AK8: variants seen among roughly 807,000 people sequenced by gnomAD.
AK8 encodes adenylate kinase 8.
A neutral mutation model predicts 54.6 loss-of-function variants in AK8; 44 were observed. The ratio of observed to expected loss-of-function variants is 0.81; its 90% CI spans 0.63 to 1.04. The LOEUF (loss-of-function observed/expected upper bound fraction) is 1.04, where lower values mean the gene tolerates loss of function less well. Among genes scored for constraint, AK8 ranks in the 50% least tolerant of loss-of-function variants. The pLI is 0.00. For synonymous variants in AK8, 239 were observed against 245.6 expected, an observed-to-expected ratio of 0.97 and a Z score of 0.25; for missense variants, 555 against 613.6, an observed-to-expected ratio of 0.90 and a Z score of 1.01.
chr9:132,805,693 G>A (rs757728205), intron 10 of AK8, among the ~76,000 whole-genome samples: 3 of 152,030 alleles, frequency 2.0e-5, no homozygotes, highest in Non-Finnish European at 4.4e-5. Flanking sequence ...GTGCTCACCC[G>A]CTTCCTCTAA....
intron 11 of AK8, among the ~76,000 whole-genome samples, chr9:132,744,991 C>A (rs114680716): frequency 6.6e-6 from 1 of 151,856 alleles, no homozygotes. Context: ...GGGGTGGAGA[C>A]GGGTCCGGGC....
In AK8 at chr9:132,770,528, C is replaced by A. The variant is rs930509926; in HGVS notation, c.1121+22106G>T. Among the ~76,000 whole-genome samples, 1 of 152,164 alleles carries A rather than the reference C, an allele frequency of 6.6e-6. No homozygotes were observed. The highest frequency in any genetic ancestry group is 1.5e-5 in the Non-Finnish European group (1 of 68,014). Reference sequence around the variant, plus strand: ...CGCGGGGGATGCCCCTCGCCCTGCACGCGCGCCCTGCCCCTGGCTGTAACC... The same window carrying A: ...CGCGGGGGATGCCCCTCGCCCTGCAAGCGCGCCCTGCCCCTGGCTGTAACC... On this transcript the variant is annotated intron_variant, in intron 11 of 12. Coordinates refer to ENST00000298545, the MANE Select transcript of AK8 (RefSeq NM_152572.3). The surrounding 1 kb of genome is among the most constrained non-coding windows in gnomAD (Gnocchi z 4.3).
chr9:132,853,397 T>C (rs1419232799), intron 5 of AK8, among the ~76,000 whole-genome samples: 1 of 144,326 alleles, frequency 6.9e-6, no homozygotes, highest in Admixed American at 6.9e-5. Context: ...AAAAGAAAAC[T>C]AAAAACAAAG....
intron 2 of AK8, among the ~76,000 whole-genome samples, chr9:132,870,335 TA>T (rs1170249503): frequency 6.6e-6 from 1 of 152,238 alleles, no homozygotes; most frequent in Non-Finnish European, 1.5e-5. Flanking sequence ...AACAGTGTCA[TA>T]AAAGGCTGCT....
intron 11 of AK8, among the ~76,000 whole-genome samples, chr9:132,737,516 T>C (rs1371900585): frequency 6.6e-6 from 1 of 152,118 alleles, no homozygotes; most frequent in Non-Finnish European, 1.5e-5. Context: ...TAGCATTACA[T>C]AAAAAGAATA....
chr9:132,847,012 AGGCTCTGG>A (rs1315947674), intron 5 of AK8, among the ~76,000 whole-genome samples: 2 of 152,208 alleles, frequency 1.3e-5, no homozygotes, highest in African/African-American at 4.8e-5. Flanking sequence ...GCTGGAGCAG[AGGCTCTGG>A]GCCTGCCTGC....
intron 5 of AK8, among the ~76,000 whole-genome samples, chr9:132,853,901 A>T (rs1339350076): frequency 6.6e-6 from 1 of 152,078 alleles, no homozygotes; most frequent in East Asian, 1.9e-4. Context: ...ACAAAAAAAG[A>T]AAAAACTGTA....
chr9:132,811,885 G>GA (rs1015759729), intron 10 of AK8, among the ~76,000 whole-genome samples: 43 of 152,024 alleles, frequency 2.8e-4, no homozygotes, highest in African/African-American at 9.7e-4. Flanking sequence ...TTTATATTTT[G>GA]AAAAAAATTC....
chr9:132,784,636 C>T (rs215160), intron 11 of AK8, among the ~76,000 whole-genome samples: 4,232 of 151,664 alleles, frequency 0.028, 198 homozygotes, highest in African/African-American at 0.095. Flanking sequence ...ACACTGAGGG[C>T]GGGGGAGGAG....
At chr9:132,858,538 C>T (rs762520072) in intron 4 of AK8, among the ~76,000 whole-genome samples, 1 of 152,198 alleles carries the variant, frequency 6.6e-6, no homozygotes, top group Non-Finnish European at 1.5e-5. Flanking sequence ...GGAAGTAGAG[C>T]AGGGAGGGGA....
At chr9:132,794,871 G>A (rs1046049456) in intron 10 of AK8, among the ~76,000 whole-genome samples, 1 of 152,142 alleles carries the variant, frequency 6.6e-6, no homozygotes. Context: ...CTCACTCTCT[G>A]AGCGTCAGCT....
At chr9:132,836,557 T>G (rs955497782) in intron 5 of AK8, among the ~76,000 whole-genome samples, 1 of 152,204 alleles carries the variant, frequency 6.6e-6, no homozygotes, top group Non-Finnish European at 1.5e-5. Context: ...GACACATTTC[T>G]CTTTTTTTGA....
rs539529415 is a variant in AK8, at chr9:132,865,443, G to A, written c.219+1461C>T. 4.9e-4 allele frequency among the ~76,000 whole-genome samples: 75 copies of A among 152,316 alleles called. 1 individual carries two copies. The highest frequency in any genetic ancestry group is 1.2e-3 in the African/African-American group (51 of 41,572). Reference sequence around the variant, plus strand: ...TGATGTGGTCACAGAGGAAGGGTTCGCTGATGTTCACCAATCAGGCTTTTA... The same window carrying A: ...TGATGTGGTCACAGAGGAAGGGTTCACTGATGTTCACCAATCAGGCTTTTA... On this transcript the variant is annotated intron_variant, in intron 3 of 12. Transcript: ENST00000298545.
chr9:132,826,745 C>T lies in AK8; in HGVS notation c.757+109G>A, dbSNP rs1373211880. On this transcript the variant is annotated intron_variant, in intron 8 of 12. Coordinates refer to ENST00000298545, the MANE Select transcript of AK8 (RefSeq NM_152572.3). This position sits in a 1 kb window ranked among gnomAD's most constrained non-coding sequence, Gnocchi z 4.5. ...ATGTCTTGACTTCCAGGGTCCCAGG[C>T]ATGTCCCAGACACTGGCCACTACCA... 28 of 1,270,952 alleles carry T rather than the reference C, an allele frequency of 2.2e-5. No individual in the cohort carries two copies. The highest frequency in any genetic ancestry group is 2.9e-5 in the Non-Finnish European group (26 of 899,334). The allele number at this position is 1,270,952 out of a possible 1,614,324, so 78.7% of individuals were successfully genotyped here.
At chr9:132,793,781 A>C (rs968891149) in intron 10 of AK8, among the ~76,000 whole-genome samples, 1 of 152,104 alleles carries the variant, frequency 6.6e-6, no homozygotes, top group Non-Finnish European at 1.5e-5. Flanking sequence ...TGCACTTTGC[A>C]CTCATTTTTC....
At position 132,800,917 on chromosome 9, in the gene AK8, T is replaced by TC. The variant is rs201486317; in HGVS notation, c.980-8143dup. On this transcript the variant is annotated intron_variant, in intron 10 of 12. Coordinates refer to ENST00000298545, the MANE Select transcript of AK8 (RefSeq NM_152572.3). ...GCCCAACAGTGAATATTTCAGTTTG[T>TC]CCTTTTTTTTTTTTTTTTTTTTGAG... 1.5e-3 allele frequency among the ~76,000 whole-genome samples: 206 copies of TC among 133,220 alleles called. 4 individuals are homozygous for TC. In the East Asian group the frequency reaches 0.016, roughly 10 times the overall value. The allele number at this position is 133,220 out of a possible 152,430, so 87.4% of individuals were successfully genotyped here. A position where few individuals can be genotyped will look rare whatever the true frequency, so the allele number is the denominator to read the frequency against.
chr9:132,732,487 C>G (rs1399859384), intron 11 of AK8, among the ~76,000 whole-genome samples: 1 of 152,138 alleles, frequency 6.6e-6, no homozygotes, highest in Non-Finnish European at 1.5e-5. Flanking sequence ...CCAGAGGTCA[C>G]CAGTCTGAGT....
chr9:132,870,429 T>TA (rs892796358), intron 2 of AK8, among the ~76,000 whole-genome samples: 110 of 152,346 alleles, frequency 7.2e-4, no homozygotes, highest in African/African-American at 2.4e-3. Flanking sequence ...TTTTGAGGTT[T>TA]AACTAGGAGC....
intron 3 of AK8, 72 bp downstream of exon 3, chr9:132,866,832 T>G: frequency 7.2e-7 from 1 of 1,381,988 alleles, no homozygotes. Flanking sequence ...TTCACGGAGG[T>G]GCAGTCTCAT....
Sources: gnomAD v4.1 joint callset for allele counts (sites outside exome capture counted in the v4.1 genomes callset) on GRCh38, gnomAD v4.1.1 for gene constraint, Gnocchi (gnomAD v3.1) non-coding constraint, MANE v1.5 for transcripts, NCBI Gene and HGNC (gene_info 2026-07-23, HGNC 2026-07-21) for gene names.